GUCY1B1: variants seen among roughly 807,000 people sequenced by gnomAD.
The protein encoded by GUCY1B1 is guanylate cyclase soluble subunit beta-1.
GUCY1B1 carries 43 observed loss-of-function variants against 71.0 expected under a neutral mutation model. The observed-to-expected ratio is 0.61, with a 90% CI of 0.47 to 0.78. The LOEUF (loss-of-function observed/expected upper bound fraction) is 0.78. GUCY1B1 is among the 30% of genes least tolerant of loss of function. The pLI is 0.00. For missense variants in GUCY1B1, 535 were observed against 754.1 expected (o/e 0.71, Z 3.40); for synonymous variants, 266 against 259.7 (o/e 1.02, Z -0.23).
intron 2 of GUCY1B1, among the ~76,000 whole-genome samples, chr4:155,760,464 T>C (rs59409138): frequency 1.8e-4 from 12 of 67,992 alleles, no homozygotes; most frequent in African/African-American, 6.7e-4. Context: ...TTTTTTCTAC[T>C]GTGTTGAAGA....
chr4:155,786,732 C>T (rs953119339), intron 4 of GUCY1B1, among the ~76,000 whole-genome samples: 1 of 151,916 alleles, frequency 6.6e-6, no homozygotes, highest in African/African-American at 2.4e-5. Context: ...CTTGGCCTCC[C>T]AAAGTGCTGG....
rs777958893 is a variant in GUCY1B1, at chr4:155,793,912, A to G, written c.552A>G (p.Lys184=). 1.9e-6 allele frequency: 3 copies of G among 1,589,260 alleles called. No homozygotes were observed. The highest frequency in any genetic ancestry group is 2.2e-5 in the East Asian group (1 of 44,754). The change falls in exon 6 of 14, where the codon AAA becomes AAG. Residue 184 remains lysine (K), a synonymous_variant. Transcript: ENST00000264424. ...CDHTQFLIEE[K]ESKEEDFYED... ...ATACTCAATTTTTAATTGAAGAAAA[A>G]GAGTCAAAAGAAGAGGATTTTTATG...
chr4:155,778,355 G>C (rs140392048), intron 4 of GUCY1B1, among the ~76,000 whole-genome samples: 21 of 152,286 alleles, frequency 1.4e-4, no homozygotes, highest in African/African-American at 4.3e-4. Flanking sequence ...ATTGACATTT[G>C]TGAGACCCTC....
chr4:155,779,188 G>A (rs997503331), intron 4 of GUCY1B1, among the ~76,000 whole-genome samples: 2 of 152,168 alleles, frequency 1.3e-5, no homozygotes, highest in Non-Finnish European at 2.9e-5. Flanking sequence ...TGGAGGCTGA[G>A]ATGGGAGGAT....
chr4:155,769,097 A>G (rs1459524088), intron 2 of GUCY1B1, among the ~76,000 whole-genome samples: 2 of 152,082 alleles, frequency 1.3e-5, no homozygotes, highest in Non-Finnish European at 2.9e-5. Context: ...CTTACCAGTT[A>G]GAGGAAGTAT....
intron 5 of GUCY1B1, among the ~76,000 whole-genome samples, chr4:155,790,506 G>A (rs919921445): frequency 1.3e-5 from 2 of 152,222 alleles, no homozygotes; most frequent in African/African-American, 4.8e-5. Context: ...TAGGGCAACC[G>A]TACAACAAAG....
At chr4:155,762,698 G>C (rs191173100) in intron 2 of GUCY1B1, among the ~76,000 whole-genome samples, 1 of 152,196 alleles carries the variant, frequency 6.6e-6, no homozygotes, top group Non-Finnish European at 1.5e-5. Flanking sequence ...TTCTCTTAAA[G>C]GGCCAGATAG....
chr4:155,779,197 A>G (rs1738253365), intron 4 of GUCY1B1, among the ~76,000 whole-genome samples: 1 of 152,120 alleles, frequency 6.6e-6, no homozygotes, highest in African/African-American at 2.4e-5. Context: ...AGATGGGAGG[A>G]TCACTTGAGC....
intron 2 of GUCY1B1, among the ~76,000 whole-genome samples, chr4:155,773,556 T>G (rs756356848): frequency 1.7e-4 from 26 of 152,172 alleles, no homozygotes; most frequent in Non-Finnish European, 3.5e-4. Flanking sequence ...ATCTCAAACT[T>G]AATATGTTGA....
In GUCY1B1 at chr4:155,790,260, C is replaced by T. The variant is rs562669005; in HGVS notation, c.495+349C>T. Among the ~76,000 whole-genome samples, 68 of 152,270 alleles carry T rather than the reference C, an allele frequency of 4.5e-4. 2 individuals are homozygous for T. The South Asian group carries it at 6.0e-3, about 13-fold the overall frequency. On this transcript the variant is annotated intron_variant, in intron 5 of 13. Coordinates refer to ENST00000264424, the MANE Select transcript of GUCY1B1 (RefSeq NM_000857.5). ...GCAAAATATCCATAATATGGATAGT[C>T]AAATTCTAAGGCAATATAAAATTAA...
At chr4:155,770,837 C>G (rs1312531504) in intron 2 of GUCY1B1, among the ~76,000 whole-genome samples, 2 of 152,186 alleles carry the variant, frequency 1.3e-5, no homozygotes, top group Non-Finnish European at 2.9e-5. Context: ...TATACTGCAT[C>G]CAGCCCCTTC....
chr4:155,794,928 C>T (rs912362472), intron 6 of GUCY1B1, among the ~76,000 whole-genome samples: 2 of 152,114 alleles, frequency 1.3e-5, no homozygotes, highest in African/African-American at 4.8e-5. Flanking sequence ...CTATTGTTTT[C>T]ACTTTTAGCC....
chr4:155,787,310 G>C (rs544107302), intron 4 of GUCY1B1, among the ~76,000 whole-genome samples: 1 of 152,288 alleles, frequency 6.6e-6, no homozygotes, highest in Non-Finnish European at 1.5e-5. Flanking sequence ...GCAGCCTCTA[G>C]AGGCAATCCG....
chr4:155,775,834 A>G (rs192486089), intron 3 of GUCY1B1, among the ~76,000 whole-genome samples: 2 of 151,190 alleles, frequency 1.3e-5, no homozygotes, highest in Non-Finnish European at 2.9e-5. Flanking sequence ...TAAAAATTTC[A>G]TGGAGAAGAA....
chr4:155,780,662 A>G (rs1463033480), intron 4 of GUCY1B1, among the ~76,000 whole-genome samples: 1 of 152,238 alleles, frequency 6.6e-6, no homozygotes, highest in East Asian at 1.9e-4. Flanking sequence ...AGCAGAAAAC[A>G]CACAATAGGA....
chr4:155,780,831 C>T (rs1208469800), intron 4 of GUCY1B1, among the ~76,000 whole-genome samples: 1 of 152,106 alleles, frequency 6.6e-6, no homozygotes. Context: ...TCCTAAATTA[C>T]TGTTTATTAT....
chr4:155,783,313 C>T (rs529916631), intron 4 of GUCY1B1, among the ~76,000 whole-genome samples: 1 of 152,204 alleles, frequency 6.6e-6, no homozygotes, highest in East Asian at 1.9e-4. Flanking sequence ...TTGTTTTTAC[C>T]TCCCCTACAA....
Position 155,802,527 on chromosome 4 carries a change from A to G in GUCY1B1, c.1361A>G (p.Tyr454Cys). 6.2e-7 allele frequency: 1 copy of G among 1,612,924 alleles called. No individual in the cohort carries two copies. Among genetic ancestry groups the G allele is most frequent in the Non-Finnish European group, 8.5e-7 (1 of 1,179,378 alleles). Reference protein sequence around the residue: ...MKIVNLLNDLYTRFDTLTDSR... With the variant: ...MKIVNLLNDLCTRFDTLTDSR... Reference sequence around the variant, plus strand: ...ATCGTCAACCTCCTCAACGACCTCTACACCAGATTTGACACACTGACTGAT... The same window carrying G: ...ATCGTCAACCTCCTCAACGACCTCTGCACCAGATTTGACACACTGACTGAT... Residue 454 changes from tyrosine (Y) to cysteine (C), a missense_variant, in exon 10 of 14, where the codon TAC becomes TGC. Transcript: ENST00000264424. The surrounding 1 kb of genome is among the most constrained non-coding windows in gnomAD (Gnocchi z 4.3).
intron 5 of GUCY1B1, among the ~76,000 whole-genome samples, chr4:155,792,297 C>CA (rs1579238805): frequency 6.6e-6 from 1 of 151,342 alleles, no homozygotes; most frequent in African/African-American, 2.4e-5. Context: ...TTGATCAAAG[C>CA]AAAAAAATTA....
Sources: allele counts gnomAD v4.1 joint callset (sites outside exome capture counted in the v4.1 genomes callset), GRCh38; gene constraint gnomAD v4.1.1; non-coding constraint Gnocchi (gnomAD v3.1); transcripts MANE v1.5; gene names NCBI Gene and HGNC (gene_info 2026-07-23, HGNC 2026-07-21).